Variants in CNTN5 observed in about 807,000 individuals in gnomAD.
CNTN5 encodes contactin-5.
A neutral mutation model predicts 129.1 loss-of-function variants in CNTN5; 77 were observed. The observed-to-expected ratio is 0.60, with a 90% CI of 0.50 to 0.72. The LOEUF (loss-of-function observed/expected upper bound fraction) is 0.72, where lower values mean the gene tolerates loss of function less well. Ranked by LOEUF, CNTN5 falls within the 30% of genes least tolerant of loss-of-function variation. CNTN5 has a pLI of 0.00. For synonymous variants in CNTN5, 509 were observed against 465.6 expected (o/e 1.09, Z -1.20); for missense variants, 1,478 against 1,328.8 (o/e 1.11, Z -1.75).
intron 4 of CNTN5, among the ~76,000 whole-genome samples, chr11:99,834,971 T>C (rs1210029502): frequency 2.0e-5 from 3 of 152,220 alleles, no homozygotes; most frequent in Non-Finnish European, 4.4e-5. Context: ...TCCAGAGTAA[T>C]TCAGGAGTTT....
chr11:99,531,863 G>T (rs1201907890), intron 2 of CNTN5, among the ~76,000 whole-genome samples: 1 of 152,196 alleles, frequency 6.6e-6, no homozygotes, highest in African/African-American at 2.4e-5. Context: ...CCAGGCAAAA[G>T]TTTCCTGTAG....
intron 9 of CNTN5, among the ~76,000 whole-genome samples, chr11:100,038,059 TA>T (rs577571318): frequency 0.041 from 6,185 of 152,218 alleles, 141 homozygotes; most frequent in African/African-American, 0.068. Flanking sequence ...ATTGTGATGT[TA>T]GGGTGTCAAT....
chr11:99,201,346 T>TTTCCTTCC (rs1859179801), intron 1 of CNTN5, among the ~76,000 whole-genome samples: 1 of 113,230 alleles, frequency 8.8e-6, no homozygotes, highest in Non-Finnish European at 1.8e-5. Flanking sequence ...CCTTCCTTCC[T>TTTCCTTCC]TTCCTTTCCT....
intron 9 of CNTN5, among the ~76,000 whole-genome samples, chr11:100,053,487 G>C (rs1367738045): frequency 1.3e-5 from 2 of 151,702 alleles, no homozygotes; most frequent in Non-Finnish European, 3.0e-5. Flanking sequence ...CAAGTTGTTA[G>C]TCATCAGGCA....
intron 2 of CNTN5, among the ~76,000 whole-genome samples, chr11:99,408,428 A>G (rs11219792): frequency 2.1e-5 from 2 of 93,528 alleles, no homozygotes; most frequent in East Asian, 3.2e-4. Context: ...GAAGGAAAGA[A>G]AAAGAAAGAA....
At chr11:100,024,448 TA>T (rs1941309960) in intron 9 of CNTN5, among the ~76,000 whole-genome samples, 1 of 151,970 alleles carries the variant, frequency 6.6e-6, no homozygotes, top group African/African-American at 2.4e-5. Flanking sequence ...GGCACTGCTA[TA>T]ATGATACCCA....
intron 18 of CNTN5, among the ~76,000 whole-genome samples, chr11:100,280,546 C>T (rs867207614): frequency 5.9e-5 from 9 of 152,062 alleles, no homozygotes; most frequent in South Asian, 2.1e-4. Context: ...GTTTTTCTAT[C>T]CCTGTGTTTT....
intron 13 of CNTN5, among the ~76,000 whole-genome samples, chr11:100,089,902 AG>A (rs1449016784): frequency 2.0e-5 from 3 of 152,020 alleles, no homozygotes; most frequent in Admixed American, 2.0e-4. Context: ...TGGGGAGTAG[AG>A]GGGAGGGAGA....
chr11:99,504,070 A>G (rs1417396923), intron 2 of CNTN5, among the ~76,000 whole-genome samples: 2 of 152,198 alleles, frequency 1.3e-5, no homozygotes, highest in Non-Finnish European at 2.9e-5. Flanking sequence ...ATTTAGGTGA[A>G]TGTATTTGAA....
At chr11:99,651,718 T>A (rs939662166) in intron 3 of CNTN5, among the ~76,000 whole-genome samples, 1 of 152,032 alleles carries the variant, frequency 6.6e-6, no homozygotes, top group Admixed American at 6.6e-5. Context: ...TTATCAGCAC[T>A]TACTTTTTAA....
chr11:99,999,705 C>T (rs1939727605), intron 8 of CNTN5, among the ~76,000 whole-genome samples: 1 of 152,062 alleles, frequency 6.6e-6, no homozygotes, highest in African/African-American at 2.4e-5. Context: ...GACACATGCA[C>T]ACGTATGTTT....
chr11:99,202,236 A>G (rs913888672), intron 1 of CNTN5, among the ~76,000 whole-genome samples: 8 of 152,242 alleles, frequency 5.3e-5, no homozygotes, highest in Non-Finnish European at 1.0e-4. Context: ...TATTCAAGTC[A>G]TTCAATTAAC....
chr11:100,133,916 A>AT (rs1166374764), intron 13 of CNTN5, among the ~76,000 whole-genome samples: 1 of 152,086 alleles, frequency 6.6e-6, no homozygotes, highest in African/African-American at 2.4e-5. Context: ...GATTTTGATT[A>AT]TTTTTTAATG....
intron 2 of CNTN5, among the ~76,000 whole-genome samples, chr11:99,502,864 A>C (rs952252628): frequency 5.3e-5 from 8 of 152,028 alleles, no homozygotes; most frequent in African/African-American, 1.5e-4. Flanking sequence ...TTTCTTTAAC[A>C]TGTCTTCTCC....
chr11:99,893,318 A>C (rs1397961810), intron 6 of CNTN5, among the ~76,000 whole-genome samples: 1 of 152,202 alleles, frequency 6.6e-6, no homozygotes, highest in Non-Finnish European at 1.5e-5. Flanking sequence ...ACTATCATTT[A>C]AATAAATCTG....
At chr11:99,156,375 G>A (rs1029574427) in intron 1 of CNTN5, among the ~76,000 whole-genome samples, 5 of 151,962 alleles carry the variant, frequency 3.3e-5, no homozygotes, top group African/African-American at 9.6e-5. Context: ...TTTTATCATC[G>A]AAGTAGCCAA....
intron 13 of CNTN5, among the ~76,000 whole-genome samples, chr11:100,087,781 A>C (rs973595702): frequency 6.6e-6 from 1 of 151,954 alleles, no homozygotes; most frequent in Admixed American, 6.6e-5. Context: ...CTTAATAGAA[A>C]TCTACAGAAT....
rs138401088 is a variant in CNTN5, at chr11:100,199,190, A to G, written c.1884+5527A>G. Among the ~76,000 whole-genome samples the G allele has an allele frequency of 5.1e-4, 78 of 152,056 alleles. No homozygotes were observed. The East Asian group carries it at 0.014, about 27-fold the overall frequency. On this transcript the variant is annotated intron_variant, in intron 15 of 24. Coordinates refer to ENST00000524871, the MANE Select transcript of CNTN5 (RefSeq NM_014361.4). ...TCCTGGAGCCATTTCACCACTAAAC[A>G]GGAAGTGTATCAAAGGGCGGAAGAT...
chr11:100,184,900 G>A (rs576016520), intron 13 of CNTN5, among the ~76,000 whole-genome samples: 1 of 152,038 alleles, frequency 6.6e-6, no homozygotes, highest in Admixed American at 6.6e-5. Flanking sequence ...GGGACCCAGT[G>A]GGAGGTCATT....
Sources: gnomAD v4.1 joint callset for allele counts (sites outside exome capture counted in the v4.1 genomes callset) on GRCh38, gnomAD v4.1.1 for gene constraint, MANE v1.5 for transcripts, NCBI Gene and HGNC (gene_info 2026-07-23, HGNC 2026-07-21) for gene names.